Variants in NALCN observed in about 807,000 individuals in gnomAD.
The protein encoded by NALCN is sodium leak channel NALCN.
A neutral mutation model predicts 225.3 loss-of-function variants in NALCN; 111 were observed. The observed-to-expected ratio is 0.49, with a 90% CI of 0.42 to 0.58. The LOEUF (loss-of-function observed/expected upper bound fraction) is 0.58. NALCN is among the 20% of genes least tolerant of loss of function. NALCN has a pLI of 0.00. For missense variants in NALCN, 1,378 were observed against 2,202.4 expected, an observed-to-expected ratio of 0.63 and a Z score of 7.49; for synonymous variants, 764 against 769.0, an observed-to-expected ratio of 0.99 and a Z score of 0.11.
intron 10 of NALCN, among the ~76,000 whole-genome samples, chr13:101,279,522 T>TA (rs2043076030): frequency 1.3e-5 from 2 of 152,276 alleles, no homozygotes; most frequent in Admixed American, 1.3e-4. Flanking sequence ...TTGCTTGTTT[T>TA]AAAAATAAAA....
At position 101,229,569 on chromosome 13, in the gene NALCN, G is replaced by A. The variant is rs537462813; in HGVS notation, c.1450C>T (p.Arg484Trp). 6.3e-6 allele frequency: 10 copies of A among 1,591,830 alleles called. No individual in the cohort carries two copies. The Admixed American group carries it at 1.1e-4, about 17-fold the overall frequency. Residue 484 changes from arginine (R) to tryptophan (W), a missense_variant, in exon 13 of 44, where the codon CGG becomes TGG. By Grantham distance (101) the Arg-to-Trp change is moderately radical (BLOSUM62 -3). Around this residue, in one of 19 missense-constraint regions of NALCN, gnomAD observed 144 missense variants for 187.7 expected, o/e 0.77. Transcript: ENST00000251127. ...AATGCAGGTGAAATCTTAATCAGCC[G>A]AACTACTCGGAGAACCTATCAAGGG... is the stretch of plus-strand genomic sequence containing the variant. ...FTYFQVLRVV[R>W]LIKISPALED...
At chr13:101,380,838 G>A (rs1035482293) in intron 3 of NALCN, among the ~76,000 whole-genome samples, 16 of 146,266 alleles carry the variant, frequency 1.1e-4, no homozygotes, top group Non-Finnish European at 1.5e-5. Context: ...TTACATTAGA[G>A]GATATATAAT....
intron 10 of NALCN, among the ~76,000 whole-genome samples, chr13:101,269,745 A>G (rs1362661131): frequency 6.6e-6 from 1 of 152,182 alleles, no homozygotes; most frequent in African/African-American, 2.4e-5. Context: ...AGGAGGCCTC[A>G]CTATACATGT....
At chr13:101,284,893 C>A (rs1203455568) in intron 9 of NALCN, among the ~76,000 whole-genome samples, 2 of 152,140 alleles carry the variant, frequency 1.3e-5, no homozygotes, top group East Asian at 3.9e-4. Flanking sequence ...TTCCCACTAA[C>A]ATATTTTTCT....
intron 15 of NALCN, among the ~76,000 whole-genome samples, chr13:101,161,395 A>G (rs1198502329): frequency 6.6e-6 from 1 of 152,182 alleles, no homozygotes; most frequent in Non-Finnish European, 1.5e-5. Context: ...AGTTAATGAC[A>G]TTTCATTCAT....
At chr13:101,189,441 G>T (rs945339501) in intron 14 of NALCN, among the ~76,000 whole-genome samples, 1 of 152,134 alleles carries the variant, frequency 6.6e-6, no homozygotes, top group Non-Finnish European at 1.5e-5. Flanking sequence ...GCTCAGTGCT[G>T]GTGCTCTAAA....
intron 39 of NALCN, 118 bp from the exon 40 acceptor site, chr13:101,065,679 G>T: frequency 7.8e-7 from 1 of 1,281,598 alleles, no homozygotes; most frequent in Non-Finnish European, 1.1e-6. Context: ...AGCACCAGAT[G>T]TGAAGAAAGC....
At chr13:101,370,534 G>C (rs983346729) in intron 6 of NALCN, among the ~76,000 whole-genome samples, 4 of 152,180 alleles carry the variant, frequency 2.6e-5, no homozygotes, top group African/African-American at 9.7e-5. Flanking sequence ...ATTGTAATTT[G>C]AAAGACTTTC....
intron 6 of NALCN, among the ~76,000 whole-genome samples, chr13:101,364,241 A>G (rs1300398415): frequency 6.6e-6 from 1 of 152,122 alleles, no homozygotes; most frequent in African/African-American, 2.4e-5. Flanking sequence ...AAAGGGAGGA[A>G]ATCTATATAT....
chr13:101,280,412 C>A (rs1278176142), intron 10 of NALCN, among the ~76,000 whole-genome samples: 2 of 152,200 alleles, frequency 1.3e-5, no homozygotes, highest in African/African-American at 2.4e-5. Flanking sequence ...TATCCCCACA[C>A]CATTCCAATC....
chr13:101,219,188 C>G (rs1366785918), intron 13 of NALCN, among the ~76,000 whole-genome samples: 1 of 152,156 alleles, frequency 6.6e-6, no homozygotes, highest in Non-Finnish European at 1.5e-5. Flanking sequence ...CTGAAAGCTA[C>G]CTGATCTCTT....
chr13:101,405,239 A>G (rs2047583695), intron 1 of NALCN, among the ~76,000 whole-genome samples: 2 of 152,242 alleles, frequency 1.3e-5, no homozygotes, highest in South Asian at 2.1e-4. Flanking sequence ...TTGTTTCTGT[A>G]AAGTTTGACT....
chr13:101,069,898 A>C (rs1224335820), intron 37 of NALCN, among the ~76,000 whole-genome samples: 2 of 151,984 alleles, frequency 1.3e-5, no homozygotes, highest in African/African-American at 4.8e-5. Context: ...TTCAGGTTCC[A>C]TTTCTAATTC....
chr13:101,272,000 C>T (rs2042801865), intron 10 of NALCN, among the ~76,000 whole-genome samples: 2 of 148,134 alleles, frequency 1.4e-5, no homozygotes, highest in Non-Finnish European at 3.0e-5. Flanking sequence ...ATGTGTGTGT[C>T]TGCGATTGTG....
At chr13:101,105,568 A>G (rs893095426) in intron 22 of NALCN, among the ~76,000 whole-genome samples, 3 of 152,222 alleles carry the variant, frequency 2.0e-5, no homozygotes, top group Non-Finnish European at 2.9e-5. Flanking sequence ...ATTACATCAC[A>G]CTAAGTGAAG....
chr13:101,074,949 C>T (rs2033157118), intron 35 of NALCN, among the ~76,000 whole-genome samples: 1 of 152,104 alleles, frequency 6.6e-6, no homozygotes, highest in Admixed American at 6.6e-5. Flanking sequence ...ATAAGAGTAA[C>T]ACTAAGCATT....
At chr13:101,335,707 C>T (rs1216831531) in intron 7 of NALCN, among the ~76,000 whole-genome samples, 3 of 141,348 alleles carry the variant, frequency 2.1e-5, no homozygotes, top group African/African-American at 7.7e-5. Context: ...CCCCTTGGTG[C>T]TTTTTTTTTT....
At chr13:101,381,420 A>T (rs915416885) in intron 3 of NALCN, among the ~76,000 whole-genome samples, 1 of 152,200 alleles carries the variant, frequency 6.6e-6, no homozygotes. Context: ...GAGGATCTTT[A>T]ACTATAAGCA....
intron 10 of NALCN, among the ~76,000 whole-genome samples, chr13:101,262,785 G>T (rs1376375712): frequency 6.6e-6 from 1 of 152,176 alleles, no homozygotes; most frequent in African/African-American, 2.4e-5. Flanking sequence ...ACTGCCTGGA[G>T]CCGTAACTCC....
Sources: allele counts gnomAD v4.1 joint callset (sites outside exome capture counted in the v4.1 genomes callset), GRCh38; gene constraint gnomAD v4.1.1; regional missense constraint gnomAD v4.1.1; transcripts MANE v1.5; gene names NCBI Gene and HGNC (gene_info 2026-07-23, HGNC 2026-07-21).